The following SMYD3 variants were observed in gnomAD, a reference collection of about 807,000 sequenced individuals.
The protein encoded by SMYD3 is SET and MYND domain containing 3.
Under a neutral mutation model 57.7 loss-of-function variants are expected in SMYD3, and 36 were observed. The ratio of observed to expected loss-of-function variants is 0.62; its 90% CI spans 0.48 to 0.82. The LOEUF (loss-of-function observed/expected upper bound fraction) is 0.82. Among genes scored for constraint, SMYD3 ranks in the 40% least tolerant of loss-of-function variants. SMYD3 has a pLI of 0.00. For synonymous variants in SMYD3, 211 were observed against 195.0 expected, an observed-to-expected ratio of 1.08 and a Z score of -0.68; for missense variants, 515 against 538.8, an observed-to-expected ratio of 0.96 and a Z score of 0.44.
intron 1 of SMYD3, among the ~76,000 whole-genome samples, chr1:246,410,350 T>C (rs970056259): frequency 6.6e-6 from 1 of 152,210 alleles, no homozygotes; most frequent in African/African-American, 2.4e-5. Context: ...GTCCCATCAA[T>C]ACCTAATTTA....
At chr1:245,820,681 A>G (rs2049111101) in intron 10 of SMYD3, among the ~76,000 whole-genome samples, 1 of 152,158 alleles carries the variant, frequency 6.6e-6, no homozygotes, top group South Asian at 2.1e-4. Flanking sequence ...TAAGCTGATA[A>G]GCAACTTCAG....
At chr1:246,017,500 A>T (rs2059398055) in intron 5 of SMYD3, among the ~76,000 whole-genome samples, 1 of 152,196 alleles carries the variant, frequency 6.6e-6, no homozygotes, top group Admixed American at 6.5e-5. Context: ...ATTTTGTTGT[A>T]TAATGCGTCT....
intron 1 of SMYD3, among the ~76,000 whole-genome samples, chr1:246,360,628 AC>A (rs1287662116): frequency 6.6e-6 from 1 of 152,192 alleles, no homozygotes; most frequent in Non-Finnish European, 1.5e-5. Flanking sequence ...AGAATAGACA[AC>A]CCAGAAACAA....
intron 10 of SMYD3, among the ~76,000 whole-genome samples, chr1:245,764,379 TAGA>T (rs2045982107): frequency 6.7e-6 from 1 of 149,184 alleles, no homozygotes; most frequent in Non-Finnish European, 1.5e-5. Context: ...ATGACAGGAC[TAGA>T]AGGTCTCCCT....
At chr1:245,941,672 C>T (rs1424739711) in intron 5 of SMYD3, among the ~76,000 whole-genome samples, 1 of 152,114 alleles carries the variant, frequency 6.6e-6, no homozygotes. Context: ...AGGTGCATGC[C>T]ACCATGCCAA....
chr1:245,766,232 G>A (rs1206704892), intron 10 of SMYD3, among the ~76,000 whole-genome samples: 4 of 151,694 alleles, frequency 2.6e-5, no homozygotes, highest in East Asian at 3.9e-4. Context: ...GTGAAACCCC[G>A]CCTCTACTAA....
chr1:246,502,651 A>G (rs1482146498), intron 1 of SMYD3, among the ~76,000 whole-genome samples: 2 of 152,104 alleles, frequency 1.3e-5, no homozygotes, highest in Non-Finnish European at 2.9e-5. Flanking sequence ...TTTCCCTCCA[A>G]GGTCTTATCG....
intron 5 of SMYD3, among the ~76,000 whole-genome samples, chr1:246,088,530 A>G: frequency 7.4e-6 from 1 of 134,342 alleles, no homozygotes; most frequent in Middle Eastern, 3.5e-3. Context: ...GAATGGCGTG[A>G]ACCCAGGAGG....
At chr1:246,102,087 T>C (rs758638845) in intron 5 of SMYD3, among the ~76,000 whole-genome samples, 2 of 152,188 alleles carry the variant, frequency 1.3e-5, no homozygotes, top group African/African-American at 2.4e-5. Context: ...GCACCTCATA[T>C]GGTTTCTGGA....
intron 1 of SMYD3, among the ~76,000 whole-genome samples, chr1:246,417,024 C>T (rs1175660254): frequency 6.6e-6 from 1 of 152,200 alleles, no homozygotes; most frequent in Non-Finnish European, 1.5e-5. Flanking sequence ...AGCTTTGAGA[C>T]ATTACCCGAG....
intron 10 of SMYD3, among the ~76,000 whole-genome samples, chr1:245,798,758 CTT>C (rs2047712470): frequency 6.6e-6 from 1 of 152,096 alleles, no homozygotes; most frequent in Non-Finnish European, 1.5e-5. Context: ...TAATTCCTCT[CTT>C]ATGTTGTTTG....
chr1:246,039,325 A>G (rs1161337452), intron 5 of SMYD3, among the ~76,000 whole-genome samples: 2 of 152,206 alleles, frequency 1.3e-5, no homozygotes, highest in Non-Finnish European at 2.9e-5. Flanking sequence ...TATTTTATTT[A>G]TATGTTCATC....
rs560045249 is a variant in SMYD3 at position 245,939,425 on chromosome 1, AC to A, written c.532-9489del. Among the ~76,000 whole-genome samples the A allele has an allele frequency of 4.6e-3, 696 of 152,252 alleles. 11 individuals carry two copies. Among genetic ancestry groups the A allele is most frequent in the African/African-American group, 0.016 (665 of 41,552 alleles). On this transcript the variant is annotated intron_variant, in intron 5 of 11. Coordinates refer to ENST00000490107, the MANE Select transcript of SMYD3 (RefSeq NM_001167740.2). ...TGGATCACGAGGTCAGGAGATCGAGACCAGCCTGGCCAATATGGTGAAACCC... is the reference window on the plus strand; with the variant it reads ...TGGATCACGAGGTCAGGAGATCGAGACAGCCTGGCCAATATGGTGAAACCC...
At chr1:245,903,403 A>G (rs981663580) in intron 8 of SMYD3, among the ~76,000 whole-genome samples, 16 of 152,256 alleles carry the variant, frequency 1.1e-4, no homozygotes, top group Non-Finnish European at 2.2e-4. Flanking sequence ...TATAAAAGTC[A>G]GAGAAAACAG....
intron 5 of SMYD3, among the ~76,000 whole-genome samples, chr1:246,283,343 T>C (rs1264225992): frequency 6.6e-6 from 1 of 152,196 alleles, no homozygotes; most frequent in Non-Finnish European, 1.5e-5. Context: ...GCATGAGCTA[T>C]TGCCATTATT....
intron 5 of SMYD3, among the ~76,000 whole-genome samples, chr1:246,055,985 C>T (rs2060144523): frequency 6.8e-6 from 1 of 147,858 alleles, no homozygotes; most frequent in South Asian, 2.1e-4. Flanking sequence ...GGATTGTATA[C>T]CTAAAAGTGG....
At chr1:246,127,469 T>C (rs1479275495) in intron 5 of SMYD3, among the ~76,000 whole-genome samples, 2 of 152,200 alleles carry the variant, frequency 1.3e-5, no homozygotes, top group East Asian at 1.9e-4. Context: ...GAATTCTGTA[T>C]TTTGTTTTAG....
At chr1:245,973,988 A>G (rs1395632457) in intron 5 of SMYD3, among the ~76,000 whole-genome samples, 1 of 151,464 alleles carries the variant, frequency 6.6e-6, no homozygotes, top group Non-Finnish European at 1.5e-5. Context: ...CAAAATCATC[A>G]TCATTAATAC....
chr1:246,015,326 A>G (rs1018726652), intron 5 of SMYD3, among the ~76,000 whole-genome samples: 3 of 152,318 alleles, frequency 2.0e-5, no homozygotes, highest in African/African-American at 7.2e-5. Context: ...GCTAAAGATA[A>G]CAGAAGTTCC....
Sources: gnomAD v4.1 joint callset for allele counts (sites outside exome capture counted in the v4.1 genomes callset) on GRCh38, gnomAD v4.1.1 for gene constraint, MANE v1.5 for transcripts, NCBI Gene and HGNC (gene_info 2026-07-23, HGNC 2026-07-21) for gene names.